TTPA: variants seen among roughly 807,000 people sequenced by gnomAD.
The protein encoded by TTPA is alpha tocopherol transfer protein.
A neutral mutation model predicts 25.9 loss-of-function variants in TTPA; 23 were observed. That is an observed-to-expected ratio of 0.89 (90% CI 0.64 to 1.26). The LOEUF is 1.26. Ranked by LOEUF, TTPA falls within the 50% of genes most tolerant of loss-of-function variation. The pLI is 0.00. For missense variants in TTPA, 337 were observed against 353.1 expected (o/e 0.95, Z 0.37); for synonymous variants, 148 against 137.3 (o/e 1.08, Z -0.54).
Position 63,061,305 on chromosome 8 carries a change from A to G in TTPA, c.784T>C (p.Phe262Leu), listed in dbSNP as rs1805302231. ...MEDICQEWTN[F>L]IMKSEDYLSS... is the part of the protein sequence containing the mutation. ...AGATAATCTTCAGACTTCATTATAA[A>G]ATTTGTCCATTCCTGACAAATGTCC... is the stretch of plus-strand genomic sequence containing the variant. Residue 262 changes from phenylalanine (F) to leucine (L), a missense_variant, in exon 5 of 5, where the codon TTT (phenylalanine) becomes CTT (leucine). Transcript: ENST00000260116. 1 of 1,613,888 alleles carries G rather than the reference A, an allele frequency of 6.2e-7. No homozygotes were observed. Among genetic ancestry groups the G allele is most frequent in the Non-Finnish European group, 8.5e-7 (1 of 1,179,912 alleles).
chr8:63,066,702 C>A (rs890290256), intron 2 of TTPA, among the ~76,000 whole-genome samples: 1 of 152,166 alleles, frequency 6.6e-6, no homozygotes, highest in Non-Finnish European at 1.5e-5. Context: ...CTTGTTCACT[C>A]ATCTCATCCC....
At chr8:63,080,917 C>A (rs919723944) in intron 1 of TTPA, among the ~76,000 whole-genome samples, 8 of 151,434 alleles carry the variant, frequency 5.3e-5, no homozygotes, top group African/African-American at 1.5e-4. Flanking sequence ...AATTCCTGGA[C>A]ACATACACCC....
At chr8:63,073,511 A>T (rs1314669997) in intron 1 of TTPA, among the ~76,000 whole-genome samples, 1 of 152,144 alleles carries the variant, frequency 6.6e-6, no homozygotes, top group Admixed American at 6.5e-5. Flanking sequence ...GTACCTTCTG[A>T]ATGTACTATT....
intron 2 of TTPA, among the ~76,000 whole-genome samples, chr8:63,069,837 A>AT (rs1805456939): frequency 6.6e-6 from 1 of 152,188 alleles, no homozygotes; most frequent in South Asian, 2.1e-4. Context: ...TTTCATCATC[A>AT]TAGAAAGTTC....
intron 3 of TTPA, 40 bp downstream of exon 3, chr8:63,065,864 T>C (rs766942596): frequency 6.3e-7 from 1 of 1,593,774 alleles, no homozygotes; most frequent in South Asian, 1.1e-5. Flanking sequence ...AAAACTATAA[T>C]TTGGAAGTAT....
At chr8:63,081,242 A>G (rs1370268249) in intron 1 of TTPA, among the ~76,000 whole-genome samples, 1 of 152,230 alleles carries the variant, frequency 6.6e-6, no homozygotes, top group African/African-American at 2.4e-5. Context: ...AAAATCCTCA[A>G]TAAAATACTG....
downstream of TTPA, among the ~76,000 whole-genome samples, chr8:63,058,592 A>G (rs527855988): frequency 1.3e-5 from 2 of 152,276 alleles, no homozygotes; most frequent in East Asian, 3.9e-4. Flanking sequence ...TTGACCATTC[A>G]TTTCAATTTT....
At chr8:63,077,204 G>T (rs140430406) in intron 1 of TTPA, among the ~76,000 whole-genome samples, 1 of 152,136 alleles carries the variant, frequency 6.6e-6, no homozygotes, top group East Asian at 1.9e-4. Flanking sequence ...CAAGATGGCC[G>T]AATAGGAACA....
intron 1 of TTPA, among the ~76,000 whole-genome samples, chr8:63,079,402 G>C (rs1805623424): frequency 6.6e-6 from 1 of 152,008 alleles, no homozygotes; most frequent in Admixed American, 6.6e-5. Flanking sequence ...TGAATAAAGA[G>C]TCAAGACCCA....
chr8:63,085,760 GC>G (rs924900839), intron 1 of TTPA, 57 bp downstream of exon 1: 21 of 1,514,970 alleles, frequency 1.4e-5, no homozygotes, highest in Non-Finnish European at 1.9e-5. Flanking sequence ...GGGTCGTGGG[GC>G]GGGGGACGGG....
chr8:63,058,994 G>GT (rs1805247354), downstream of TTPA, among the ~76,000 whole-genome samples: 2 of 96,098 alleles, frequency 2.1e-5, no homozygotes, highest in Admixed American at 1.0e-4. Context: ...ACTTTAAAGT[G>GT]TTTTTTAGAA....
intron 3 of TTPA, 85 bp from the exon 4 acceptor site, chr8:63,064,401 C>A: frequency 1.1e-6 from 1 of 913,806 alleles, no homozygotes; most frequent in Non-Finnish European, 1.7e-6. Flanking sequence ...TGAACACTTG[C>A]TAAGCTTATG....
At chr8:63,062,308 A>T (rs1002860864) in intron 4 of TTPA, among the ~76,000 whole-genome samples, 2 of 152,216 alleles carry the variant, frequency 1.3e-5, no homozygotes, top group Non-Finnish European at 2.9e-5. Flanking sequence ...GAATGCCCTG[A>T]AGTTAAGAGA....
chr8:63,061,355 T>C lies in TTPA; in HGVS notation c.734A>G (p.Tyr245Cys). Residue 245 changes from tyrosine to cysteine, a missense_variant, in exon 5 of 5, where the codon TAT becomes TGT. Physicochemically the swap from Tyr to Cys is radical, Grantham distance 194 (BLOSUM62 -2). Coordinates refer to ENST00000260116, the MANE Select transcript of TTPA (RefSeq NM_000370.3). ...QHFPDILPLE[Y>C]GGEEFSMEDI... The stretch of plus-strand genomic sequence containing the variant: ...CTCCATGGAGAATTCTTCACCACCA[T>C]ATTCCAGAGGAAGAATGTCTGGGAA... 6.2e-7 allele frequency: 1 copy of C among 1,613,940 alleles called. No individual in the cohort carries two copies. Among genetic ancestry groups the C allele is most frequent in the Non-Finnish European group, 8.5e-7 (1 of 1,179,908 alleles).
chr8:63,076,892 T>C (rs1353711186), intron 1 of TTPA, among the ~76,000 whole-genome samples: 1 of 152,110 alleles, frequency 6.6e-6, no homozygotes, highest in Non-Finnish European at 1.5e-5. Context: ...GTTGGATTCC[T>C]ATTTTACTCC....
intron 2 of TTPA, 66 bp from the exon 3 acceptor site, chr8:63,066,163 G>A (rs1161372479): frequency 2.8e-6 from 4 of 1,423,894 alleles, no homozygotes; most frequent in East Asian, 4.8e-5. Flanking sequence ...TCCAAAGGGA[G>A]ACTAATTCAT....
Position 63,061,238 on chromosome 8 carries a change from C to A in TTPA, c.*14G>T. 1.2e-6 allele frequency: 2 copies of A among 1,612,290 alleles called. No homozygotes were observed. The highest frequency in any genetic ancestry group is 1.3e-5 in the African/African-American group (1 of 75,012). ...GTATTTTTAGTTAGGAAGCCATTCACATGACATAACTTCTCATTGAATGCT... is the reference window on the plus strand; with the variant it reads ...GTATTTTTAGTTAGGAAGCCATTCAAATGACATAACTTCTCATTGAATGCT... On this transcript the variant is annotated 3_prime_UTR_variant, in exon 5 of 5. Transcript: ENST00000260116.
intron 1 of TTPA, among the ~76,000 whole-genome samples, chr8:63,081,898 C>G (rs1461519631): frequency 2.0e-5 from 3 of 152,170 alleles, no homozygotes; most frequent in African/African-American, 7.2e-5. Context: ...ACAATTGCTA[C>G]AAACAGAATA....
chr8:63,071,959 T>A (rs7821480), intron 2 of TTPA, among the ~76,000 whole-genome samples: 10,960 of 152,106 alleles, frequency 0.072, 735 homozygotes, highest in African/African-American at 0.18. Context: ...AAACACTAGC[T>A]ACACCTAATA....
Sources: gnomAD v4.1 joint callset for allele counts (sites outside exome capture counted in the v4.1 genomes callset) on GRCh38, gnomAD v4.1.1 for gene constraint, MANE v1.5 for transcripts, NCBI Gene and HGNC (gene_info 2026-07-23, HGNC 2026-07-21) for gene names.